FGL1: variants seen among roughly 807,000 people sequenced by gnomAD.
FGL1 encodes fibrinogen-like protein 1.
A neutral mutation model predicts 43.7 loss-of-function variants in FGL1; 59 were observed. The observed-to-expected ratio is 1.35, with a 90% CI of 1.10 to 1.68. The LOEUF (loss-of-function observed/expected upper bound fraction) is 1.68, where lower values mean the gene tolerates loss of function less well. FGL1 is among the 40% of genes most tolerant of loss of function. The pLI is 0.00. For synonymous variants in FGL1, 192 were observed against 126.5 expected (o/e 1.52, Z -3.48); for missense variants, 596 against 373.0 (o/e 1.60, Z -4.92).
chr8:17,892,865 G>T (rs1346046538), intron 1 of FGL1, among the ~76,000 whole-genome samples: 1 of 152,088 alleles, frequency 6.6e-6, no homozygotes, highest in East Asian at 1.9e-4. Flanking sequence ...GCATTTGTGG[G>T]ATCAAGTACT....
intron 3 of FGL1, among the ~76,000 whole-genome samples, chr8:17,877,084 C>T (rs750683492): frequency 6.6e-6 from 1 of 152,000 alleles, no homozygotes; most frequent in Admixed American, 6.6e-5. Flanking sequence ...AGACTTAAAT[C>T]GTAACAGCAG....
rs1353996395 is a variant in FGL1, at chr8:17,885,126, C to T, written c.63+366G>A. Reference sequence around the variant, plus strand: ...CATGATCTCAGTTCACTGCAATCTCCGCCTCCTGGGTTCAAGGGATTCTCC... The same window carrying T: ...CATGATCTCAGTTCACTGCAATCTCTGCCTCCTGGGTTCAAGGGATTCTCC... On this transcript the variant is annotated intron_variant, in intron 2 of 7. Transcript: ENST00000427924. Among the ~76,000 whole-genome samples the T allele has an allele frequency of 6.6e-5, 10 of 151,862 alleles. No individual in the cohort carries two copies. In the South Asian group the frequency reaches 8.3e-4, roughly 13 times the overall value.
chr8:17,873,969 G>T, intron 5 of FGL1, 50 bp downstream of exon 5: 1 of 1,374,308 alleles, frequency 7.3e-7, no homozygotes, highest in Non-Finnish European at 9.8e-7. Flanking sequence ...AAAAATTTTA[G>T]TGTTGTTTTT....
At position 17,890,626 on chromosome 8, in the gene FGL1, C is replaced by T. The variant is rs947406045; in HGVS notation, c.-18+4821G>A. The stretch of plus-strand genomic sequence containing the variant: ...GTCCCCTACTGTCTTAGTCCATTCT[C>T]ATTTTATAAATTTACCCAGTAAAGA... On this transcript the variant is annotated intron_variant, in intron 1 of 7. Transcript: ENST00000427924. Among the ~76,000 whole-genome samples, 3 of 152,252 alleles carry T rather than the reference C, an allele frequency of 2.0e-5. No individual in the cohort carries two copies. In the South Asian group the frequency reaches 6.2e-4, roughly 32 times the overall value.
At chr8:17,882,203 GA>G in intron 2 of FGL1, 24 bp from the exon 3 acceptor site, 1 of 1,599,966 alleles carries the variant, frequency 6.3e-7, no homozygotes, top group Non-Finnish European at 8.5e-7. Flanking sequence ...GAGATGAGAT[GA>G]GTATGCACCT....
At chr8:17,885,415 G>C (rs1480305691) in intron 2 of FGL1, 77 bp downstream of exon 2, 1 of 1,254,046 alleles carries the variant, frequency 8.0e-7, no homozygotes, top group East Asian at 2.3e-5. Flanking sequence ...GTCACTATAG[G>C]TTTAATGCAA....
Position 17,864,843 on chromosome 8 carries a change from T to G in FGL1, c.780-92A>C, listed in dbSNP as rs188791729. 14 of 1,145,486 alleles carry G rather than the reference T, an allele frequency of 1.2e-5. No homozygotes were observed. The Admixed American group carries it at 4.3e-4, about 35-fold the overall frequency. 71.0% of individuals were successfully genotyped at this position (1,145,486 alleles called of 1,614,324 possible). A position where few individuals can be genotyped will look rare whatever the true frequency, so the allele number is the denominator to read the frequency against. ...TTATTTTGCTACAAATGCTCAAAAT[T>G]TTTGAACTATGAATTCTGCCATTTT... On this transcript the variant is annotated intron_variant, in intron 7 of 7. Transcript: ENST00000427924.
chr8:17,867,035 C>G (rs144260479), intron 7 of FGL1, among the ~76,000 whole-genome samples: 85 of 152,158 alleles, frequency 5.6e-4, no homozygotes, highest in African/African-American at 1.9e-3. Context: ...TACTCCAGTT[C>G]CTTTATAAAT....
intron 1 of FGL1, among the ~76,000 whole-genome samples, chr8:17,886,570 C>A (rs1005763467): frequency 6.6e-6 from 1 of 152,020 alleles, no homozygotes; most frequent in Non-Finnish European, 1.5e-5. Flanking sequence ...CCAGCCTGGT[C>A]AACATGGCGA....
At chr8:17,868,457 C>G (rs1194582956) in intron 7 of FGL1, 91 bp downstream of exon 7, 3 of 942,614 alleles carry the variant, frequency 3.2e-6, no homozygotes, top group Non-Finnish European at 4.4e-6. Context: ...TAAATAAAGA[C>G]TAACATTACC....
Position 17,882,057 on chromosome 8 carries a change from G to A in FGL1, c.186C>T (p.Phe62=), listed in dbSNP as rs754787577. Residue 62 remains phenylalanine (F), a synonymous_variant, in exon 3 of 8, where the codon TTC becomes TTT. Coordinates refer to ENST00000427924, the MANE Select transcript of FGL1 (RefSeq NM_004467.4). ...KQLLQENEVQ[F]LDKGDENTVI... ...CAGTATTCTCATCTCCTTTATCAAG[G>A]AACTGGACTTCATTCTCCTGCAAAA... 1 of 1,613,780 alleles carries A rather than the reference G, an allele frequency of 6.2e-7. No individual in the cohort carries two copies. Among genetic ancestry groups the A allele is most frequent in the Non-Finnish European group, 8.5e-7 (1 of 1,179,980 alleles).
At chr8:17,865,578 C>A (rs1185791473) in intron 7 of FGL1, among the ~76,000 whole-genome samples, 1 of 152,152 alleles carries the variant, frequency 6.6e-6, no homozygotes, top group Non-Finnish European at 1.5e-5. Context: ...TTGCACCAAT[C>A]TAGATAAGCT....
chr8:17,864,774 A>G, intron 7 of FGL1, 23 bp from the exon 8 acceptor site: 1 of 1,434,190 alleles, frequency 7.0e-7, no homozygotes, highest in East Asian at 2.5e-5. Flanking sequence ...AGAAAAAAAA[A>G]GAAAACAACA....
At chr8:17,894,819 T>A (rs941145008) in intron 1 of FGL1, among the ~76,000 whole-genome samples, 1 of 146,480 alleles carries the variant, frequency 6.8e-6, no homozygotes, top group East Asian at 1.9e-4. Flanking sequence ...GATGCACCTA[T>A]ATATCATATA....
intron 1 of FGL1, chr8:17,891,847 T>C: frequency 4.1e-6 from 4 of 967,256 alleles, no homozygotes; most frequent in East Asian, 1.1e-4. Context: ...TAATGAATTA[T>C]GCTTTTCATA....
intron 7 of FGL1, among the ~76,000 whole-genome samples, chr8:17,866,345 A>G (rs11989202): frequency 0.58 from 78,076 of 135,118 alleles, 22,972 homozygotes; most frequent in Non-Finnish European, 0.69. Context: ...TTGGTTTGCT[A>G]TGTGGAAAAA....
chr8:17,878,457 C>G (rs555543199), intron 3 of FGL1, among the ~76,000 whole-genome samples: 91 of 152,288 alleles, frequency 6.0e-4, no homozygotes, highest in African/African-American at 2.0e-3. Flanking sequence ...CCTCAAGACA[C>G]TCACATGCAG....
At chr8:17,880,120 G>C (rs565494847) in intron 3 of FGL1, among the ~76,000 whole-genome samples, 1 of 152,282 alleles carries the variant, frequency 6.6e-6, no homozygotes, top group African/African-American at 2.4e-5. Flanking sequence ...GGCTCCAGAG[G>C]CACTGGCCAT....
chr8:17,864,519 T>C lies in FGL1; in HGVS notation c.*73A>G. The C allele has an allele frequency of 6.8e-7, 1 of 1,464,708 alleles. No homozygotes were observed. Among genetic ancestry groups the C allele is most frequent in the South Asian group, 1.4e-5 (1 of 73,432 alleles). The allele number at this position is 1,464,708 out of a possible 1,614,324, so 90.7% of individuals were successfully genotyped here. A position where few individuals can be genotyped will look rare whatever the true frequency, so the allele number is the denominator to read the frequency against. On this transcript the variant is annotated 3_prime_UTR_variant, in exon 8 of 8. Transcript: ENST00000427924. ...CAGTTATCATGATTGCGCATGGATA[T>C]GTTCAGAATGAGTATTTTTCAAATC...
Sources: allele counts gnomAD v4.1 joint callset (sites outside exome capture counted in the v4.1 genomes callset), GRCh38; gene constraint gnomAD v4.1.1; transcripts MANE v1.5; gene names NCBI Gene and HGNC (gene_info 2026-07-23, HGNC 2026-07-21).